The following CXCL13 variants were observed in gnomAD, a reference collection of about 807,000 sequenced individuals.
CXCL13 encodes the protein C-X-C motif chemokine ligand 13, also known as C-X-C motif chemokine 13.
A neutral mutation model predicts 12.2 loss-of-function variants in CXCL13; 7 were observed. That is an observed-to-expected ratio of 0.57 (90% CI 0.33 to 1.07). The LOEUF is 1.07. Ranked by LOEUF, CXCL13 falls within the 50% of genes least tolerant of loss-of-function variation. The pLI is 0.04. For synonymous variants in CXCL13, 47 were observed against 42.4 expected, an observed-to-expected ratio of 1.11 and a Z score of -0.42; for missense variants, 113 against 127.4, an observed-to-expected ratio of 0.89 and a Z score of 0.55.
intron 1 of CXCL13, among the ~76,000 whole-genome samples, chr4:77,559,732 C>T (rs918780043): frequency 1.3e-5 from 2 of 152,002 alleles, no homozygotes; most frequent in Admixed American, 6.6e-5. Flanking sequence ...ACCACCCTGG[C>T]TAACATTGTG....
chr4:77,566,689 C>A (rs1725930669), intron 1 of CXCL13, among the ~76,000 whole-genome samples: 1 of 152,080 alleles, frequency 6.6e-6, no homozygotes, highest in Non-Finnish European at 1.5e-5. Flanking sequence ...AGCCTCCTGT[C>A]CCCTCACCCC....
intron 1 of CXCL13, among the ~76,000 whole-genome samples, chr4:77,572,376 G>A (rs1446282712): frequency 6.6e-6 from 1 of 151,880 alleles, no homozygotes; most frequent in African/African-American, 2.4e-5. Context: ...ACTCCAGCCT[G>A]GGTGACAGAG....
chr4:77,606,488 T>G (rs2109837633), intron 1 of CXCL13, among the ~76,000 whole-genome samples: 1 of 152,218 alleles, frequency 6.6e-6, no homozygotes, highest in East Asian at 1.9e-4. Flanking sequence ...AGTAGTAAGT[T>G]TTTATGTGGC....
intron 1 of CXCL13, among the ~76,000 whole-genome samples, chr4:77,541,085 C>A (rs6819594): frequency 0.079 from 11,962 of 152,124 alleles, 623 homozygotes; most frequent in South Asian, 0.13. Context: ...GTCTTTTGCC[C>A]ATTCTTAATG....
chr4:77,581,529 G>C (rs1443852462), intron 1 of CXCL13, among the ~76,000 whole-genome samples: 1 of 152,128 alleles, frequency 6.6e-6, no homozygotes, highest in Non-Finnish European at 1.5e-5. Context: ...AATGAGACCT[G>C]AGTTCTTCCA....
At chr4:77,548,808 G>C (rs1184501365) in intron 1 of CXCL13, among the ~76,000 whole-genome samples, 1 of 152,080 alleles carries the variant, frequency 6.6e-6, no homozygotes, top group Non-Finnish European at 1.5e-5. Context: ...TGACAATTAT[G>C]TGTCTTGGAG....
intron 1 of CXCL13, among the ~76,000 whole-genome samples, chr4:77,600,022 A>G (rs1419995684): frequency 6.6e-6 from 1 of 152,128 alleles, no homozygotes; most frequent in Non-Finnish European, 1.5e-5. Context: ...TTTTAAGCAA[A>G]TTTTTGAGCA....
intron 1 of CXCL13, among the ~76,000 whole-genome samples, chr4:77,592,803 A>C (rs1418900595): frequency 1.3e-5 from 2 of 152,130 alleles, no homozygotes; most frequent in African/African-American, 4.8e-5. Context: ...GAAGCTGGCC[A>C]TCCTGGGTCT....
chr4:77,515,709 T>G (rs1316201252), intron 1 of CXCL13, among the ~76,000 whole-genome samples: 1 of 152,214 alleles, frequency 6.6e-6, no homozygotes, highest in Non-Finnish European at 1.5e-5. Context: ...GATTTTGGGC[T>G]GAGACATTGG....
intron 1 of CXCL13, among the ~76,000 whole-genome samples, chr4:77,518,358 G>T (rs1311556630): frequency 1.3e-5 from 2 of 152,166 alleles, no homozygotes; most frequent in East Asian, 3.8e-4. Context: ...CTAGATTGGG[G>T]AAGTTCTCCT....
At chr4:77,587,105 T>C (rs1007592649) in intron 1 of CXCL13, among the ~76,000 whole-genome samples, 2 of 152,202 alleles carry the variant, frequency 1.3e-5, no homozygotes, top group East Asian at 3.8e-4. Context: ...CCTGTCTGGC[T>C]ATAATGCAGC....
intron 1 of CXCL13, among the ~76,000 whole-genome samples, chr4:77,517,376 C>G (rs985622940): frequency 9.2e-5 from 14 of 152,102 alleles, no homozygotes; most frequent in Non-Finnish European, 1.9e-4. Flanking sequence ...GACTTTCTGT[C>G]TCATTGATCT....
chr4:77,548,948 T>C (rs1345810108), intron 1 of CXCL13, among the ~76,000 whole-genome samples: 1 of 152,220 alleles, frequency 6.6e-6, no homozygotes, highest in African/African-American at 2.4e-5. Flanking sequence ...TTGGTTCCAT[T>C]CTCCTCATCA....
chr4:77,591,550 C>CAAA (rs780283463), intron 1 of CXCL13, among the ~76,000 whole-genome samples: 760 of 48,512 alleles, frequency 0.016, 20 homozygotes, highest in East Asian at 0.063. Context: ...GACTCCATCT[C>CAAA]AAAAAAAAAA....
chr4:77,556,681 C>A (rs56722245), intron 1 of CXCL13, among the ~76,000 whole-genome samples: 8,414 of 152,006 alleles, frequency 0.055, 734 homozygotes, highest in African/African-American at 0.19. Context: ...TTTATATTTT[C>A]AAAATATAAA....
intron 1 of CXCL13, among the ~76,000 whole-genome samples, chr4:77,569,525 A>G (rs1726014246): frequency 6.6e-6 from 1 of 152,152 alleles, no homozygotes; most frequent in Admixed American, 6.6e-5. Flanking sequence ...ACTGCCACAC[A>G]CACACATACT....
intron 1 of CXCL13, among the ~76,000 whole-genome samples, chr4:77,540,356 A>T (rs1179376758): frequency 6.6e-6 from 1 of 152,156 alleles, no homozygotes; most frequent in Non-Finnish European, 1.5e-5. Flanking sequence ...GATTGATCCC[A>T]TCATGCAGGT....
chr4:77,520,505 G>T (rs1356665089), intron 1 of CXCL13, among the ~76,000 whole-genome samples: 1 of 152,086 alleles, frequency 6.6e-6, no homozygotes, highest in African/African-American at 2.4e-5. Context: ...CTCATCATTT[G>T]GCTCTCTGTT....
intron 1 of CXCL13, among the ~76,000 whole-genome samples, chr4:77,536,876 T>G (rs1725070287): frequency 6.6e-6 from 1 of 152,182 alleles, no homozygotes. Flanking sequence ...GAAAAAAAGC[T>G]ATCTCATTTT....
Sources: gnomAD v4.1 joint callset for allele counts (sites outside exome capture counted in the v4.1 genomes callset) on GRCh38, gnomAD v4.1.1 for gene constraint, MANE v1.5 for transcripts, NCBI Gene and HGNC (gene_info 2026-07-23, HGNC 2026-07-21) for gene names.